Variants in KBTBD2 observed in about 807,000 individuals in gnomAD.
KBTBD2 encodes kelch repeat and BTB domain containing 2.
A neutral mutation model predicts 57.1 loss-of-function variants in KBTBD2; 17 were observed. The observed-to-expected ratio is 0.30, with a 90% CI of 0.20 to 0.45. The LOEUF (loss-of-function observed/expected upper bound fraction) is 0.45. KBTBD2 is among the 20% of genes least tolerant of loss of function. KBTBD2 has a pLI of 1.00. For synonymous variants in KBTBD2, 267 were observed against 262.7 expected (o/e 1.02, Z -0.16); for missense variants, 515 against 750.6 (o/e 0.69, Z 3.67).
At chr7:32,884,955 T>C (rs1360568949) in intron 1 of KBTBD2, among the ~76,000 whole-genome samples, 1 of 145,520 alleles carries the variant, frequency 6.9e-6, no homozygotes, top group African/African-American at 2.6e-5. Context: ...TTCTTTTATA[T>C]ATATATGTGT....
Position 32,875,161 on chromosome 7 carries a change from C to T in KBTBD2, c.171-4G>A. 2 of 1,612,398 alleles carry T rather than the reference C, an allele frequency of 1.2e-6. No homozygotes were observed. The highest frequency in any genetic ancestry group is 2.2e-5 in the East Asian group (1 of 44,860). ...TAGTCCACTCATAAACATGGCCCTACAGGGGAGATGAAGAAAACAAAGTTG... is the reference window on the plus strand; with the variant it reads ...TAGTCCACTCATAAACATGGCCCTATAGGGGAGATGAAGAAAACAAAGTTG... On this transcript the variant is annotated splice_polypyrimidine_tract_variant and splice_region_variant and intron_variant, in intron 2 of 3. Coordinates refer to ENST00000304056, the MANE Select transcript of KBTBD2 (RefSeq NM_015483.3).
chr7:32,889,808 C>T (rs1462527776), intron 1 of KBTBD2, among the ~76,000 whole-genome samples: 1 of 152,124 alleles, frequency 6.6e-6, no homozygotes, highest in Admixed American at 6.6e-5. Flanking sequence ...AAGGGGGACT[C>T]TTTTCTAAAT....
In KBTBD2 at chr7:32,891,595, G is replaced by A. The variant is rs976854179; in HGVS notation, c.-398C>T. On this transcript the variant is annotated 5_prime_UTR_variant, in exon 1 of 4. Transcript: ENST00000304056. ...CCAGCCGGTGGCCCCGTCCACACTG[G>A]GCCCCTCCGGCGCGGCGGCGGGGGC... 4.4e-4 allele frequency: 66 copies of A among 150,156 alleles called. No homozygotes were observed. Among genetic ancestry groups the A allele is most frequent in the African/African-American group, 1.5e-3 (61 of 41,172 alleles). The allele number at this position is 150,156 out of a possible 1,614,324, so 9.3% of individuals were successfully genotyped here. A position where few individuals can be genotyped will look rare whatever the true frequency, so the allele number is the denominator to read the frequency against.
chr7:32,875,614 C>G (rs1048189960), intron 2 of KBTBD2, among the ~76,000 whole-genome samples: 21 of 152,144 alleles, frequency 1.4e-4, no homozygotes, highest in Admixed American at 1.3e-3. Flanking sequence ...AAATCCAGTC[C>G]CAAATATATA....
chr7:32,881,715 A>C (rs972490094), intron 1 of KBTBD2, among the ~76,000 whole-genome samples: 3 of 152,202 alleles, frequency 2.0e-5, no homozygotes, highest in Non-Finnish European at 4.4e-5. Flanking sequence ...ATAATCTCTA[A>C]GGCAAATAAT....
chr7:32,877,880 G>T (rs752091593), intron 2 of KBTBD2, among the ~76,000 whole-genome samples: 4 of 151,162 alleles, frequency 2.6e-5, no homozygotes, highest in East Asian at 2.0e-4. Context: ...AGGCCGAGGC[G>T]GGTGGATCAC....
Position 32,869,327 on chromosome 7 carries a change from A to G in KBTBD2, c.*18T>C. The G allele has an allele frequency of 6.5e-7, 1 of 1,545,672 alleles. No homozygotes were observed. Among genetic ancestry groups the G allele is most frequent in the African/African-American group, 1.4e-5 (1 of 73,052 alleles). On this transcript the variant is annotated 3_prime_UTR_variant, in exon 4 of 4. Transcript: ENST00000304056. ...GACAAAGCACATAACTCAGGCGTGC[A>G]CTCCCTGAACTTCCCCACTATACAG...
intron 1 of KBTBD2, among the ~76,000 whole-genome samples, chr7:32,888,995 C>T (rs1336292384): frequency 6.6e-6 from 1 of 152,154 alleles, no homozygotes; most frequent in East Asian, 1.9e-4. Flanking sequence ...TTTCCTCTCA[C>T]CTCTGCGCAG....
chr7:32,884,976 G>A (rs866502964), intron 1 of KBTBD2, among the ~76,000 whole-genome samples: 5 of 130,108 alleles, frequency 3.8e-5, no homozygotes, highest in South Asian at 2.5e-4. Flanking sequence ...GTATGTGTGT[G>A]TATATATATA....
At position 32,869,807 on chromosome 7, in the gene KBTBD2, T is replaced by G; in HGVS notation, c.1410A>C (p.Lys470Asn). The G allele has an allele frequency of 6.2e-7, 1 of 1,613,858 alleles. No individual in the cohort carries two copies. The highest frequency in any genetic ancestry group is 8.5e-7 in the Non-Finnish European group (1 of 1,180,004). Residue 470 changes from lysine (K) to asparagine (N), a missense_variant, in exon 4 of 4, where the codon AAA becomes AAC. By Grantham distance (94) the Lys-to-Asn change is moderately conservative. Coordinates refer to ENST00000304056, the MANE Select transcript of KBTBD2 (RefSeq NM_015483.3). ...TATGCAACCCTCCAATATAGAAAAT[T>G]TTATCACCAAAAGCTGCAGCTGAAG... ...SFASAAAFGD[K>N]IFYIGGLHIA...
chr7:32,881,882 T>G (rs1430488334), intron 1 of KBTBD2, among the ~76,000 whole-genome samples: 2 of 152,132 alleles, frequency 1.3e-5, no homozygotes, highest in African/African-American at 4.8e-5. Context: ...GCTCCAGAAT[T>G]TACACTTTTC....
chr7:32,879,789 T>G lies in KBTBD2; in HGVS notation c.-185A>C. On this transcript the variant is annotated 5_prime_UTR_variant, in exon 2 of 4. Transcript: ENST00000304056. ...ACACAGACTTAGAATCACTCCTAGG[T>G]CATCCTGTGTTAATTAGGTTCTTCA... 1 of 530,120 alleles carries G rather than the reference T, an allele frequency of 1.9e-6. No homozygotes were observed. Among genetic ancestry groups the G allele is most frequent in the Non-Finnish European group, 3.3e-6 (1 of 303,872 alleles). 32.8% of individuals were successfully genotyped at this position (530,120 alleles called of 1,614,324 possible).
At chr7:32,874,509 G>A (rs1390575163) in intron 3 of KBTBD2, 2 of 152,154 alleles carry the variant, frequency 1.3e-5, no homozygotes, top group Non-Finnish European at 1.5e-5. Context: ...GCTGAAGCAG[G>A]AGGATCACCT....
chr7:32,884,939 TTA>T (rs1220501898), intron 1 of KBTBD2, among the ~76,000 whole-genome samples: 3 of 149,132 alleles, frequency 2.0e-5, no homozygotes, highest in African/African-American at 7.4e-5. Flanking sequence ...TTTTAAAAAT[TTA>T]TATTTCTTTT....
rs529311909 is a variant in KBTBD2, at chr7:32,872,862, C to T, written c.337-1982G>A. On this transcript the variant is annotated intron_variant, in intron 3 of 3. Transcript: ENST00000304056. ...TCCTAAAATCTGAAAAAATCTGAAA[C>T]TGGCTGAACTGGATTTCTGGTCCCA... 2.4e-4 allele frequency among the ~76,000 whole-genome samples: 36 copies of T among 152,220 alleles called. 1 individual carries two copies. The South Asian group carries it at 7.5e-3, about 32-fold the overall frequency.
At position 32,868,525 on chromosome 7, in the gene KBTBD2, C is replaced by T. The variant is rs967543008; in HGVS notation, c.*820G>A. The T allele has an allele frequency of 6.6e-6, 1 of 152,578 alleles. No individual in the cohort carries two copies. The highest frequency in any genetic ancestry group is 2.4e-5 in the African/African-American group (1 of 41,414). 9.5% of individuals were successfully genotyped at this position (152,578 alleles called of 1,614,324 possible). A position where few individuals can be genotyped will look rare whatever the true frequency, so the allele number is the denominator to read the frequency against. ...AAGATGTAATGACCTGGTTAACCCA[C>T]TCTAAATCTTGAAGATGGAGAACTA... On this transcript the variant is annotated 3_prime_UTR_variant, in exon 4 of 4. Coordinates refer to ENST00000304056, the MANE Select transcript of KBTBD2 (RefSeq NM_015483.3).
At chr7:32,880,405 A>G (rs1784417570) in intron 1 of KBTBD2, among the ~76,000 whole-genome samples, 1 of 152,170 alleles carries the variant, frequency 6.6e-6, no homozygotes, top group Non-Finnish European at 1.5e-5. Flanking sequence ...AAGTCTTCAT[A>G]TTTAATTTAA....
At chr7:32,875,195 T>C in intron 2 of KBTBD2, 38 bp from the exon 3 acceptor site, 1 of 1,580,142 alleles carries the variant, frequency 6.3e-7, no homozygotes. Flanking sequence ...TGTAAGGGTT[T>C]TGTGTAAAAC....
intron 1 of KBTBD2, among the ~76,000 whole-genome samples, chr7:32,880,766 A>G (rs1487451201): frequency 5.3e-5 from 8 of 152,170 alleles, no homozygotes; most frequent in African/African-American, 1.9e-4. Flanking sequence ...GAAAATATTA[A>G]ATGTACTATA....
Sources: gnomAD v4.1 joint callset for allele counts (sites outside exome capture counted in the v4.1 genomes callset) on GRCh38, gnomAD v4.1.1 for gene constraint, MANE v1.5 for transcripts, NCBI Gene and HGNC (gene_info 2026-07-23, HGNC 2026-07-21) for gene names.